The following PPM1H variants were observed in gnomAD, a reference collection of about 807,000 sequenced individuals.
PPM1H encodes the protein protein phosphatase 1H.
PPM1H carries 27 observed loss-of-function variants against 54.9 expected under a neutral mutation model. That is an observed-to-expected ratio of 0.49 (90% CI 0.36 to 0.68). The LOEUF (loss-of-function observed/expected upper bound fraction) is 0.68, where lower values mean the gene tolerates loss of function less well. Among genes scored for constraint, PPM1H ranks in the 30% least tolerant of loss-of-function variants. PPM1H has a pLI of 0.00. For synonymous variants in PPM1H, 305 were observed against 270.8 expected (o/e 1.13, Z -1.24); for missense variants, 596 against 667.8 (o/e 0.89, Z 1.19).
rs146221089 is a variant in PPM1H at position 62,770,824 on chromosome 12, C to T, written c.869+17402G>A. On this transcript the variant is annotated intron_variant, in intron 4 of 9. Coordinates refer to ENST00000228705, the MANE Select transcript of PPM1H (RefSeq NM_020700.2). ...GCCTGGTGGCCCACAGTAGGGAAAG[C>T]GTTCCCACTCTGCGATTTCAAAAGC... 1.4e-3 allele frequency among the ~76,000 whole-genome samples: 214 copies of T among 152,118 alleles called. 1 individual carries two copies. Among genetic ancestry groups the T allele is most frequent in the Middle Eastern group, 0.01 (3 of 294 alleles).
chr12:62,743,317 C>A (rs570407429), intron 4 of PPM1H, among the ~76,000 whole-genome samples: 1 of 152,138 alleles, frequency 6.6e-6, no homozygotes, highest in Admixed American at 6.5e-5. Context: ...TGCACCACTG[C>A]ACGCCAGCCT....
At chr12:62,848,924 G>C (rs1869075010) in intron 1 of PPM1H, among the ~76,000 whole-genome samples, 1 of 152,086 alleles carries the variant, frequency 6.6e-6, no homozygotes. Flanking sequence ...AGGGGGACTG[G>C]GGACTAGGAT....
intron 1 of PPM1H, among the ~76,000 whole-genome samples, chr12:62,860,032 G>A (rs1414237418): frequency 6.6e-6 from 1 of 151,990 alleles, no homozygotes; most frequent in Non-Finnish European, 1.5e-5. Flanking sequence ...CTGCTATGAA[G>A]AAATATCCGA....
chr12:62,789,171 C>T (rs1446757418), intron 3 of PPM1H, among the ~76,000 whole-genome samples: 1 of 152,040 alleles, frequency 6.6e-6, no homozygotes, highest in East Asian at 1.9e-4. Context: ...GCAGCCACCA[C>T]ACCCAGCTAA....
At chr12:62,898,399 T>C (rs1375313413) in intron 1 of PPM1H, among the ~76,000 whole-genome samples, 1 of 152,170 alleles carries the variant, frequency 6.6e-6, no homozygotes, top group Non-Finnish European at 1.5e-5. Context: ...AAATATTCAG[T>C]GTGGGGCGAC....
At chr12:62,852,228 C>CAAAAAAAA (rs59673617) in intron 1 of PPM1H, among the ~76,000 whole-genome samples, 2 of 60,408 alleles carry the variant, frequency 3.3e-5, no homozygotes, top group Admixed American at 1.7e-4. Context: ...GACTCTGTCT[C>CAAAAAAAA]AAAAAAAAAA....
intron 1 of PPM1H, among the ~76,000 whole-genome samples, chr12:62,924,730 G>A (rs1394445727): frequency 6.6e-6 from 1 of 152,132 alleles, no homozygotes; most frequent in East Asian, 1.9e-4. Flanking sequence ...TACAAAACGT[G>A]AGATTTCAAC....
chr12:62,722,527 T>C (rs945734688), intron 5 of PPM1H, among the ~76,000 whole-genome samples: 5 of 152,160 alleles, frequency 3.3e-5, no homozygotes, highest in Non-Finnish European at 7.4e-5. Context: ...GCCTTTAACC[T>C]ACACACACAT....
At chr12:62,877,552 C>T (rs937539672) in intron 1 of PPM1H, among the ~76,000 whole-genome samples, 2 of 152,196 alleles carry the variant, frequency 1.3e-5, no homozygotes, top group African/African-American at 4.8e-5. Context: ...TACTCTCTCT[C>T]TCTATTCTCT....
rs59673617 is a variant in PPM1H at position 62,852,228 on chromosome 12, C to CAA, written c.246-19951_246-19950dup. On this transcript the variant is annotated intron_variant, in intron 1 of 9. Coordinates refer to ENST00000228705, the MANE Select transcript of PPM1H (RefSeq NM_020700.2). ...TGGGTGACAGAGCGAGACTCTGTCT[C>CAA]AAAAAAAAAAAAAAAAAAAAAAAGA... Among the ~76,000 whole-genome samples the CAA allele has an allele frequency of 6.4e-3, 378 of 58,624 alleles. 10 individuals carry two copies. The highest frequency in any genetic ancestry group is 0.011 in the African/African-American group (174 of 16,406). 38.5% of individuals were successfully genotyped at this position (58,624 alleles called of 152,430 possible).
chr12:62,785,681 G>C (rs2076666644), intron 4 of PPM1H, among the ~76,000 whole-genome samples: 1 of 152,074 alleles, frequency 6.6e-6, no homozygotes, highest in African/African-American at 2.4e-5. Flanking sequence ...TTGAAGTCTG[G>C]TCTGGAAATT....
chr12:62,856,055 G>T (rs1869374456), intron 1 of PPM1H, among the ~76,000 whole-genome samples: 1 of 152,156 alleles, frequency 6.6e-6, no homozygotes, highest in Non-Finnish European at 1.5e-5. Flanking sequence ...TTGGCTCTGT[G>T]CAAGCACTGG....
At chr12:62,673,648 C>T (rs2075968849) in intron 8 of PPM1H, among the ~76,000 whole-genome samples, 1 of 148,144 alleles carries the variant, frequency 6.8e-6, no homozygotes, top group Admixed American at 6.8e-5. Flanking sequence ...GAGGCTTGCC[C>T]TTGTTATCAG....
intron 4 of PPM1H, among the ~76,000 whole-genome samples, chr12:62,775,672 A>C (rs1049074138): frequency 6.6e-6 from 1 of 152,244 alleles, no homozygotes; most frequent in Non-Finnish European, 1.5e-5. Flanking sequence ...GTCAAGCAAG[A>C]GAGGAGAGTT....
rs1042968424 is a variant in PPM1H at position 62,648,396 on chromosome 12, C to T, written c.*93G>A. The T allele has an allele frequency of 2.7e-6, 4 of 1,490,126 alleles. No individual in the cohort carries two copies. Among genetic ancestry groups the T allele is most frequent in the South Asian group, 2.5e-5 (2 of 80,042 alleles). 92.3% of individuals were successfully genotyped at this position (1,490,126 alleles called of 1,614,324 possible). The stretch of plus-strand genomic sequence containing the variant: ...CTTGGGCTGGGAAGAGACTGCATCA[C>T]TTGGAACTCAGCTGGGGCACTTCCC... On this transcript the variant is annotated 3_prime_UTR_variant, in exon 10 of 10. Transcript: ENST00000228705.
chr12:62,789,050 C>T (rs1466287863), intron 3 of PPM1H, among the ~76,000 whole-genome samples: 1 of 152,168 alleles, frequency 6.6e-6, no homozygotes. Context: ...AAGGTTTGCT[C>T]TGTCACCCAG....
chr12:62,831,876 T>C (rs1198244156), intron 2 of PPM1H, among the ~76,000 whole-genome samples: 1 of 151,854 alleles, frequency 6.6e-6, no homozygotes, highest in East Asian at 1.9e-4. Flanking sequence ...TAGATACATA[T>C]GGTGTGGGTG....
chr12:62,863,105 C>T (rs1422433256), intron 1 of PPM1H, among the ~76,000 whole-genome samples: 1 of 152,184 alleles, frequency 6.6e-6, no homozygotes, highest in African/African-American at 2.4e-5. Flanking sequence ...ACTGCAACCT[C>T]CACCTCCTGG....
intron 1 of PPM1H, among the ~76,000 whole-genome samples, chr12:62,914,164 T>C (rs966110816): frequency 6.6e-6 from 1 of 152,190 alleles, no homozygotes; most frequent in Non-Finnish European, 1.5e-5. Context: ...TGCATCTTCA[T>C]GGCAATGAGT....
Sources: gnomAD v4.1 joint callset for allele counts (sites outside exome capture counted in the v4.1 genomes callset) on GRCh38, gnomAD v4.1.1 for gene constraint, MANE v1.5 for transcripts, NCBI Gene and HGNC (gene_info 2026-07-23, HGNC 2026-07-21) for gene names.